PCDHGA2: variants seen among roughly 807,000 people sequenced by gnomAD.
The protein encoded by PCDHGA2 is protocadherin gamma subfamily A, 2.
In PCDHGA2, 40 loss-of-function variants were observed where a neutral mutation model predicts 59.2. The observed-to-expected ratio is 0.68, with a 90% confidence interval of 0.52 to 0.88. The LOEUF is 0.88. PCDHGA2 is among the 40% of genes least tolerant of loss of function. The pLI is 0.00. For missense variants in PCDHGA2, 1,226 were observed against 1,204.0 expected, an observed-to-expected ratio of 1.02 and a Z score of -0.27; for synonymous variants, 560 against 526.0, an observed-to-expected ratio of 1.06 and a Z score of -0.89.
At chr5:141,419,918 G>C (rs370039875) in intron 1 of PCDHGA2, 30 of 1,613,978 alleles carry the variant, frequency 1.9e-5, no homozygotes, top group Non-Finnish European at 2.5e-5. Flanking sequence ...CTCCCAGGCT[G>C]AGATGCAGTT....
intron 1 of PCDHGA2, chr5:141,388,992 C>A: frequency 6.2e-7 from 1 of 1,613,952 alleles, no homozygotes; most frequent in Non-Finnish European, 8.5e-7. Flanking sequence ...GCTCAAAGTC[C>A]GTGACAAGGA....
In PCDHGA2 at chr5:141,410,139, T is replaced by C. The variant is rs73279096; in HGVS notation, c.2424+68744T>C. ...GCCCGCCAGCGCCTGCTGGTCGCTG[T>C]GCGTGACGGTGGACAGCCGCCACTC... On this transcript the variant is annotated intron_variant, in intron 1 of 3. Coordinates refer to ENST00000394576, the MANE Select transcript of PCDHGA2 (RefSeq NM_018915.4). The C allele has an allele frequency of 1.6e-4, 252 of 1,612,722 alleles. No individual in the cohort carries two copies. In the African/African-American group the frequency reaches 3.0e-3, roughly 19 times the overall value.
Position 141,431,599 on chromosome 5 carries a change from C to T in PCDHGA2, c.2425-63208C>T. On this transcript the variant is annotated intron_variant, in intron 1 of 3. Transcript: ENST00000394576. The surrounding 1 kb of genome is among the most constrained non-coding windows in gnomAD (Gnocchi z 4.8). ...GAGTCAATGCGGAAGTGAGGTATTC[C>T]TTCCGGTATGTGGACGACAAGGCGG... 1 of 1,614,194 alleles carries T rather than the reference C, an allele frequency of 6.2e-7. No individual in the cohort carries two copies. The highest frequency in any genetic ancestry group is 8.5e-7 in the Non-Finnish European group (1 of 1,180,034).
At chr5:141,418,848 G>C (rs770294020) in intron 1 of PCDHGA2, 1 of 1,613,836 alleles carries the variant, frequency 6.2e-7, no homozygotes, top group Non-Finnish European at 8.5e-7. Flanking sequence ...CTCTCAACAC[G>C]GTGTAAAGTA....
At chr5:141,450,727 T>G (rs1592137328) in intron 1 of PCDHGA2, among the ~76,000 whole-genome samples, 1 of 152,080 alleles carries the variant, frequency 6.6e-6, no homozygotes, top group Non-Finnish European at 1.5e-5. Flanking sequence ...CCTCAGGTGA[T>G]CCGCCCGCCT....
At chr5:141,410,191 C>T in intron 1 of PCDHGA2, 1 of 1,613,994 alleles carries the variant, frequency 6.2e-7, no homozygotes, top group Non-Finnish European at 8.5e-7. Context: ...TTCATCTGGT[C>T]TTCGCAGACA....
chr5:141,403,909 A>G (rs2094466419), intron 1 of PCDHGA2: 1 of 1,613,946 alleles, frequency 6.2e-7, no homozygotes, highest in East Asian at 2.2e-5. Context: ...AAATGGAAAT[A>G]CAAGCTGAAG....
intron 1 of PCDHGA2, chr5:141,361,681 G>A: frequency 1.2e-6 from 2 of 1,613,558 alleles, no homozygotes; most frequent in Admixed American, 1.7e-5. Context: ...GGTGGTGTTC[G>A]CGCAGCGCGC....
chr5:141,410,450 T>G, intron 1 of PCDHGA2: 1 of 1,614,052 alleles, frequency 6.2e-7, no homozygotes, highest in Non-Finnish European at 8.5e-7. Flanking sequence ...GACTTTGCCT[T>G]ATTCTTATAA....
chr5:141,369,156 A>C lies in PCDHGA2; in HGVS notation c.2424+27761A>C, dbSNP rs534244995. ...CATGGAAAATGGCATGTTATTGACC[A>C]GGGAAAAGTGTAAATAACAAAAAGT... On this transcript the variant is annotated intron_variant, in intron 1 of 3. Coordinates refer to ENST00000394576, the MANE Select transcript of PCDHGA2 (RefSeq NM_018915.4). Among the ~76,000 whole-genome samples the C allele has an allele frequency of 1.4e-3, 215 of 152,354 alleles. 2 individuals carry two copies. Among genetic ancestry groups the C allele is most frequent in the Non-Finnish European group, 4.6e-4 (31 of 68,032 alleles).
chr5:141,434,261 G>A (rs1269166732), intron 1 of PCDHGA2, among the ~76,000 whole-genome samples: 2 of 152,194 alleles, frequency 1.3e-5, no homozygotes. Context: ...TTGTGGGGGA[G>A]GTGGAAATTA....
intron 1 of PCDHGA2, chr5:141,413,907 G>C (rs745956130): frequency 6.2e-7 from 1 of 1,613,270 alleles, no homozygotes; most frequent in Non-Finnish European, 8.5e-7. Context: ...ACAACGCGCC[G>C]GTCTTCACCT....
chr5:141,434,992 C>A (rs2097735368), intron 1 of PCDHGA2, among the ~76,000 whole-genome samples: 1 of 151,902 alleles, frequency 6.6e-6, no homozygotes, highest in Non-Finnish European at 1.5e-5. Context: ...ATATCATTTT[C>A]TAGCTGAATT....
chr5:141,370,997 C>T, intron 1 of PCDHGA2: 5 of 1,613,984 alleles, frequency 3.1e-6, no homozygotes, highest in Non-Finnish European at 4.2e-6. Context: ...CACCCCTGGA[C>T]AGGGAAGAGC....
intron 1 of PCDHGA2, chr5:141,356,491 C>A: frequency 6.2e-7 from 1 of 1,613,958 alleles, no homozygotes; most frequent in South Asian, 1.1e-5. Flanking sequence ...GGGAACTCCT[C>A]CACTGTCTAC....
intron 3 of PCDHGA2, among the ~76,000 whole-genome samples, chr5:141,506,138 G>T (rs983643755): frequency 6.6e-6 from 1 of 152,134 alleles, no homozygotes; most frequent in African/African-American, 2.4e-5. Flanking sequence ...AGGAGAAGAA[G>T]AATATCATTT....
chr5:141,435,073 G>A (rs535689336), intron 1 of PCDHGA2, among the ~76,000 whole-genome samples: 150 of 151,756 alleles, frequency 9.9e-4, no homozygotes, highest in Middle Eastern at 3.4e-3. Flanking sequence ...TGTGTAGACC[G>A]TCTGATAACA....
intron 1 of PCDHGA2, chr5:141,400,304 G>T: frequency 6.2e-7 from 1 of 1,614,048 alleles, no homozygotes; most frequent in African/African-American, 1.3e-5. Context: ...TTCCAACCTG[G>T]TCTCTGTGTC....
chr5:141,420,683 G>A (rs1308504595), intron 1 of PCDHGA2, among the ~76,000 whole-genome samples: 1 of 152,190 alleles, frequency 6.6e-6, no homozygotes, highest in Non-Finnish European at 1.5e-5. Context: ...ATTTTATCGG[G>A]ACCGTATTAT....
Sources: allele counts gnomAD v4.1 joint callset (sites outside exome capture counted in the v4.1 genomes callset), GRCh38; gene constraint gnomAD v4.1.1; non-coding constraint Gnocchi (gnomAD v3.1); transcripts MANE v1.5; gene names NCBI Gene and HGNC (gene_info 2026-07-23, HGNC 2026-07-21).